Variants in ADGRB3 observed in about 807,000 individuals in gnomAD.
The protein encoded by ADGRB3 is brain-specific angiogenesis inhibitor 3.
A neutral mutation model predicts 193.4 loss-of-function variants in ADGRB3; 37 were observed. The ratio of observed to expected loss-of-function variants is 0.19; its 90% CI spans 0.15 to 0.25. ADGRB3 has a LOEUF of 0.25. Ranked by LOEUF, ADGRB3 falls within the 10% of genes least tolerant of loss-of-function variation. The pLI, the probability that ADGRB3 is intolerant of heterozygous loss-of-function variation, is 1.00. For missense variants in ADGRB3, 1,637 were observed against 1,852.9 expected (o/e 0.88, Z 2.14); for synonymous variants, 690 against 644.2 (o/e 1.07, Z -1.08).
At chr6:69,302,832 C>CACATG (rs1342361915) in intron 20 of ADGRB3, among the ~76,000 whole-genome samples, 2 of 151,932 alleles carry the variant, frequency 1.3e-5, no homozygotes, top group Admixed American at 6.6e-5. Flanking sequence ...CCATATATTG[C>CACATG]ACATGTCTTC....
chr6:68,958,870 A>AGTGTGT (rs66559521), intron 8 of ADGRB3, among the ~76,000 whole-genome samples: 286 of 147,328 alleles, frequency 1.9e-3, no homozygotes, highest in Non-Finnish European at 2.8e-3. Flanking sequence ...AAAGAAAAAT[A>AGTGTGT]GTGTGTGTGT....
chr6:68,865,621 A>C (rs1336138528), intron 3 of ADGRB3, among the ~76,000 whole-genome samples: 1 of 152,158 alleles, frequency 6.6e-6, no homozygotes, highest in South Asian at 2.1e-4. Flanking sequence ...GGGTCCCTTT[A>C]TCTGGTGGAC....
chr6:68,705,688 G>A (rs1765314858), intron 3 of ADGRB3, among the ~76,000 whole-genome samples: 1 of 152,134 alleles, frequency 6.6e-6, no homozygotes, highest in South Asian at 2.1e-4. Flanking sequence ...AAACATTCAG[G>A]GACTAGCGCT....
intron 20 of ADGRB3, among the ~76,000 whole-genome samples, chr6:69,259,621 G>A (rs899377616): frequency 3.3e-5 from 5 of 150,522 alleles, no homozygotes; most frequent in East Asian, 3.9e-4. Context: ...GCATGAACTC[G>A]GGAGGCAGAG....
intron 31 of ADGRB3, among the ~76,000 whole-genome samples, chr6:69,385,938 C>A (rs1169638895): frequency 6.6e-6 from 1 of 152,086 alleles, no homozygotes; most frequent in Non-Finnish European, 1.5e-5. Context: ...TCTCTCCCTA[C>A]TCCCTGCAGA....
intron 20 of ADGRB3, among the ~76,000 whole-genome samples, chr6:69,310,081 A>T (rs1160995601): frequency 6.6e-6 from 1 of 151,702 alleles, no homozygotes; most frequent in Non-Finnish European, 1.5e-5. Flanking sequence ...CATTACTTTA[A>T]ACTGTATAAT....
intron 30 of ADGRB3, 107 bp from the exon 31 acceptor site, chr6:69,382,724 C>CT: frequency 1.4e-6 from 1 of 690,786 alleles, no homozygotes; most frequent in South Asian, 2.4e-5. Flanking sequence ...CTCCTGGTTC[C>CT]TGCCAAACTT....
At chr6:69,059,516 G>T (rs952741738) in intron 15 of ADGRB3, among the ~76,000 whole-genome samples, 1 of 152,128 alleles carries the variant, frequency 6.6e-6, no homozygotes, top group African/African-American at 2.4e-5. Flanking sequence ...ATTTTGAAAT[G>T]TTTTATATAT....
At chr6:68,843,992 C>T (rs574857334) in intron 3 of ADGRB3, among the ~76,000 whole-genome samples, 8 of 152,138 alleles carry the variant, frequency 5.3e-5, no homozygotes, top group South Asian at 2.1e-4. Context: ...AAACTAGATT[C>T]CTATCTCTCA....
chr6:69,250,832 G>A (rs1032282317), intron 20 of ADGRB3, among the ~76,000 whole-genome samples: 7 of 152,042 alleles, frequency 4.6e-5, no homozygotes, highest in East Asian at 3.9e-4. Flanking sequence ...AAATCATATC[G>A]TGATTTAAAC....
intron 20 of ADGRB3, among the ~76,000 whole-genome samples, chr6:69,317,832 G>A (rs1170037762): frequency 1.3e-5 from 2 of 151,170 alleles, no homozygotes; most frequent in South Asian, 2.1e-4. Flanking sequence ...AAGACAAATC[G>A]GTAATGTTTA....
Position 68,936,591 on chromosome 6 carries a change from G to A in ADGRB3, c.941G>A (p.Arg314Gln), listed in dbSNP as rs763811697. 12 of 1,614,024 alleles carry A rather than the reference G, an allele frequency of 7.4e-6. 1 individual carries two copies. Among genetic ancestry groups the A allele is most frequent in the Non-Finnish European group, 1.0e-5 (12 of 1,179,976 alleles). ...SVTCGQGSQV[R>Q]TRTCVSPYGT... is the part of the protein sequence containing the mutation. ...ACTTGTGGTCAAGGGTCGCAGGTGC[G>A]AACCAGAACTTGTGTATCACCTTAC... The change falls in exon 5 of 32, where the codon CGA (arginine) becomes CAA (glutamine). Residue 314 changes from arginine (R) to glutamine (Q), a missense_variant. Around this residue, in one of 7 missense-constraint regions of ADGRB3, gnomAD observed 365 missense variants for 409.8 expected, o/e 0.89. Transcript: ENST00000370598.
At chr6:69,008,548 C>G (rs574218898) in intron 11 of ADGRB3, among the ~76,000 whole-genome samples, 15 of 152,164 alleles carry the variant, frequency 9.9e-5, no homozygotes, top group African/African-American at 3.6e-4. Flanking sequence ...TTATAACTTT[C>G]TTTATACCAT....
At chr6:68,976,925 A>G (rs13191706) in intron 10 of ADGRB3, among the ~76,000 whole-genome samples, 11,528 of 151,416 alleles carry the variant, frequency 0.076, 612 homozygotes, top group African/African-American at 0.14. Flanking sequence ...TGTTGTAAAT[A>G]TATACTTACA....
At chr6:69,056,438 C>G (rs1771547582) in intron 15 of ADGRB3, among the ~76,000 whole-genome samples, 1 of 152,098 alleles carries the variant, frequency 6.6e-6, no homozygotes, top group African/African-American at 2.4e-5. Flanking sequence ...TCATTCTACT[C>G]ACTGTTTTCT....
intron 6 of ADGRB3, 152 bp downstream of exon 6, chr6:68,944,146 C>G: frequency 2.7e-6 from 2 of 731,222 alleles, no homozygotes; most frequent in East Asian, 5.4e-5. Flanking sequence ...GGGTACTTTT[C>G]TTGATTCTAT....
At chr6:68,852,922 A>G (rs1195839026) in intron 3 of ADGRB3, among the ~76,000 whole-genome samples, 11 of 152,036 alleles carry the variant, frequency 7.2e-5, no homozygotes, top group South Asian at 2.1e-4. Context: ...TCAATAGACT[A>G]AAATGCCAGG....
intron 10 of ADGRB3, among the ~76,000 whole-genome samples, chr6:68,981,975 T>G (rs1283215440): frequency 6.6e-6 from 1 of 151,794 alleles, no homozygotes; most frequent in Non-Finnish European, 1.5e-5. Context: ...CCTCCCAGGT[T>G]CAAGCGATCA....
At chr6:68,820,633 G>A (rs992766772) in intron 3 of ADGRB3, among the ~76,000 whole-genome samples, 5 of 151,620 alleles carry the variant, frequency 3.3e-5, no homozygotes, top group East Asian at 1.9e-4. Flanking sequence ...AACCATCCCC[G>A]CTTCTCTCTC....
Sources: allele counts gnomAD v4.1 joint callset (sites outside exome capture counted in the v4.1 genomes callset), GRCh38; gene constraint gnomAD v4.1.1; regional missense constraint gnomAD v4.1.1; transcripts MANE v1.5; gene names NCBI Gene and HGNC (gene_info 2026-07-23, HGNC 2026-07-21).